PALLD: variants seen among roughly 807,000 people sequenced by gnomAD.
The protein encoded by PALLD is palladin, cytoskeletal associated protein, also known as palladin.
In PALLD, 61 loss-of-function variants were observed where a neutral mutation model predicts 123.5. That is an observed-to-expected ratio of 0.49 (90% CI 0.40 to 0.61). The LOEUF is 0.61. PALLD is among the 20% of genes least tolerant of loss of function. PALLD has a pLI of 0.00. For missense variants in PALLD, 1,273 were observed against 1,377.0 expected, an observed-to-expected ratio of 0.92 and a Z score of 1.20; for synonymous variants, 465 against 496.4, an observed-to-expected ratio of 0.94 and a Z score of 0.84.
intron 14 of PALLD, among the ~76,000 whole-genome samples, chr4:168,901,615 T>C (rs1189953774): frequency 2.6e-5 from 4 of 152,134 alleles, no homozygotes; most frequent in African/African-American, 9.7e-5. Context: ...CCCAGCACTT[T>C]GGGAGGCTGA....
chr4:168,879,446 C>A (rs150521203), intron 10 of PALLD, among the ~76,000 whole-genome samples: 21 of 152,288 alleles, frequency 1.4e-4, no homozygotes, highest in African/African-American at 4.6e-4. Context: ...AATCCTACTT[C>A]AGAGTTTGCC....
intron 10 of PALLD, among the ~76,000 whole-genome samples, chr4:168,835,598 A>AT (rs569687998): frequency 1.3e-4 from 19 of 151,554 alleles, no homozygotes; most frequent in African/African-American, 2.7e-4. Context: ...AATTTAAGGG[A>AT]TTTTTTTTAA....
chr4:168,878,926 G>A (rs1489568244), intron 10 of PALLD, among the ~76,000 whole-genome samples: 3 of 152,092 alleles, frequency 2.0e-5, no homozygotes, highest in African/African-American at 7.2e-5. Flanking sequence ...TGGATGTGAA[G>A]GAGTTTGGTT....
chr4:168,587,192 C>T (rs1465043624), intron 2 of PALLD, among the ~76,000 whole-genome samples: 1 of 152,032 alleles, frequency 6.6e-6, no homozygotes, highest in Non-Finnish European at 1.5e-5. Context: ...CAACAATCTG[C>T]TAAGCTTTCA....
chr4:168,778,300 A>G (rs114774294), intron 10 of PALLD, among the ~76,000 whole-genome samples: 1,572 of 152,318 alleles, frequency 0.01, 22 homozygotes, highest in African/African-American at 0.036. Flanking sequence ...CACCCAATCA[A>G]TCATCTCCAG....
chr4:168,657,805 GC>G (rs1462763717), intron 2 of PALLD, among the ~76,000 whole-genome samples: 5 of 152,252 alleles, frequency 3.3e-5, no homozygotes, highest in South Asian at 2.1e-4. Context: ...CAAGTGGAAA[GC>G]CCATTTGCAT....
At chr4:168,569,638 T>C (rs2149603458) in intron 2 of PALLD, among the ~76,000 whole-genome samples, 1 of 152,244 alleles carries the variant, frequency 6.6e-6, no homozygotes, top group Non-Finnish European at 1.5e-5. Flanking sequence ...ATCTCTAAGA[T>C]AACTAAAATT....
At chr4:168,638,876 C>G (rs1385413838) in intron 2 of PALLD, among the ~76,000 whole-genome samples, 1 of 152,144 alleles carries the variant, frequency 6.6e-6, no homozygotes, top group African/African-American at 2.4e-5. Context: ...TACCCCGATT[C>G]ACACTCCACC....
intron 19 of PALLD, 110 bp downstream of exon 19, chr4:168,924,530 T>C: frequency 9.3e-7 from 1 of 1,075,828 alleles, no homozygotes; most frequent in Non-Finnish European, 1.4e-6. Context: ...ACATAGATGT[T>C]TTGATTTTTG....
At chr4:168,756,462 C>T (rs12646759) in intron 10 of PALLD, 78,482 of 157,656 alleles carry the variant, frequency 0.5, 21,006 homozygotes, top group Non-Finnish European at 0.62. Context: ...TTTAATAATG[C>T]AATAAAAGAC....
At chr4:168,644,263 T>C (rs1050868618) in intron 2 of PALLD, among the ~76,000 whole-genome samples, 1 of 151,926 alleles carries the variant, frequency 6.6e-6, no homozygotes, top group Non-Finnish European at 1.5e-5. Context: ...AATTTTTGTA[T>C]TTTTAGTAGA....
Position 168,690,839 on chromosome 4 carries a change from C to T in PALLD, c.1477+95C>T, listed in dbSNP as rs942252563. The T allele has an allele frequency of 2.4e-6, 3 of 1,268,560 alleles. No individual in the cohort carries two copies. The African/African-American group carries it at 4.4e-5, about 19-fold the overall frequency. The allele number at this position is 1,268,560 out of a possible 1,614,324, so 78.6% of individuals were successfully genotyped here. A position where few individuals can be genotyped will look rare whatever the true frequency, so the allele number is the denominator to read the frequency against. On this transcript the variant is annotated intron_variant, in intron 7 of 21. Transcript: ENST00000505667. ...GGCTAAGTCATTAAGATGAATTGAT[C>T]TCTATGTTCAAAGAGTGGCAGGATC...
chr4:168,599,757 A>G (rs865906965), intron 2 of PALLD, among the ~76,000 whole-genome samples: 2 of 152,346 alleles, frequency 1.3e-5, no homozygotes, highest in Middle Eastern at 3.4e-3. Flanking sequence ...ACTGGGCAAC[A>G]TAGCCAGAAC....
chr4:168,708,999 A>G (rs776767577), intron 8 of PALLD, 29 bp from the exon 9 acceptor site: 118 of 1,610,966 alleles, frequency 7.3e-5, no homozygotes, highest in Non-Finnish European at 9.6e-5. Context: ...TTCAACTCTG[A>G]TGAATGATTC....
intron 1 of PALLD, 94 bp from the exon 2 acceptor site, chr4:168,511,329 C>T: frequency 3.3e-6 from 2 of 604,362 alleles, no homozygotes; most frequent in Admixed American, 5.9e-5. Context: ...TATTCATTCA[C>T]TTTAATGTTT....
intron 2 of PALLD, among the ~76,000 whole-genome samples, chr4:168,651,425 T>C (rs975129328): frequency 3.3e-5 from 5 of 152,102 alleles, no homozygotes; most frequent in African/African-American, 1.2e-4. Context: ...GACATTCCAG[T>C]CACTCTAACT....
At chr4:168,716,916 G>C (rs1785418635) in intron 10 of PALLD, among the ~76,000 whole-genome samples, 2 of 152,052 alleles carry the variant, frequency 1.3e-5, no homozygotes, top group African/African-American at 4.8e-5. Flanking sequence ...TTGTTCCCTT[G>C]CCTGGAATGT....
chr4:168,601,209 C>T (rs373364047), intron 2 of PALLD, among the ~76,000 whole-genome samples: 1 of 152,040 alleles, frequency 6.6e-6, no homozygotes, highest in Admixed American at 6.5e-5. Context: ...CATTAGATTG[C>T]ACATAGAGGG....
At chr4:168,824,141 T>A (rs1005536947) in intron 10 of PALLD, among the ~76,000 whole-genome samples, 1 of 152,276 alleles carries the variant, frequency 6.6e-6, no homozygotes, top group African/African-American at 2.4e-5. Context: ...GGTAATGATT[T>A]ACAGAAGGCC....
Sources: allele counts gnomAD v4.1 joint callset (sites outside exome capture counted in the v4.1 genomes callset), GRCh38; gene constraint gnomAD v4.1.1; transcripts MANE v1.5; gene names NCBI Gene and HGNC (gene_info 2026-07-23, HGNC 2026-07-21).